MGRN1: variants seen among roughly 807,000 people sequenced by gnomAD.
MGRN1 encodes the protein mahogunin ring finger 1, also known as E3 ubiquitin-protein ligase MGRN1.
MGRN1 carries 29 observed loss-of-function variants against 69.2 expected under a neutral mutation model. The observed-to-expected ratio is 0.42, with a 90% CI of 0.31 to 0.57. The LOEUF (loss-of-function observed/expected upper bound fraction) is 0.57, where lower values mean the gene tolerates loss of function less well. Ranked by LOEUF, MGRN1 falls within the 20% of genes least tolerant of loss-of-function variation. The pLI is 0.15. For synonymous variants in MGRN1, 470 were observed against 344.2 expected (o/e 1.37, Z -4.04); for missense variants, 998 against 796.2 (o/e 1.25, Z -3.05).
rs745797002 is a variant in MGRN1 at position 4,652,665 on chromosome 16, C to T, written c.297-13C>T. 3 of 1,598,194 alleles carry T rather than the reference C, an allele frequency of 1.9e-6. No homozygotes were observed. The highest frequency in any genetic ancestry group is 2.7e-5 in the African/African-American group (2 of 74,426). On this transcript the variant is annotated splice_polypyrimidine_tract_variant and intron_variant, in intron 3 of 16. Coordinates refer to ENST00000262370, the MANE Select transcript of MGRN1 (RefSeq NM_015246.4). ...CGCTGACCCGCTGCCTTTCTCTCCA[C>T]CGCCTGGGGTAGGTACAAAGACGAT...
Position 4,686,329 on chromosome 16 carries a change from G to A in MGRN1, c.1618+2397G>A, listed in dbSNP as rs572324696. ...GTACGTGACCTCCCAGACGCGCTTCGGGGGCTCTGACGCGCGTCCTTGGAG... is the reference window on the plus strand; with the variant it reads ...GTACGTGACCTCCCAGACGCGCTTCAGGGGCTCTGACGCGCGTCCTTGGAG... On this transcript the variant is annotated intron_variant, in intron 16 of 16. Transcript: ENST00000262370. 19 of 1,541,066 alleles carry A rather than the reference G, an allele frequency of 1.2e-5. No individual in the cohort carries two copies. In the East Asian group the frequency reaches 2.7e-4, roughly 22 times the overall value.
chr16:4,673,312 G>C (rs1338317473), intron 9 of MGRN1, among the ~76,000 whole-genome samples, 186 bp from the exon 10 acceptor site: 1 of 152,122 alleles, frequency 6.6e-6, no homozygotes, highest in Non-Finnish European at 1.5e-5. Flanking sequence ...GCCAGGTGCT[G>C]AGTTTGCACT....
intron 11 of MGRN1, among the ~76,000 whole-genome samples, chr16:4,677,826 G>C (rs2079086602): frequency 6.8e-6 from 1 of 147,596 alleles, no homozygotes; most frequent in East Asian, 2.0e-4. Flanking sequence ...GGTCTCGGTG[G>C]AGCCAGGTGC....
At chr16:4,683,735 C>A in intron 15 of MGRN1, 108 bp from the exon 16 acceptor site, 1 of 924,900 alleles carries the variant, frequency 1.1e-6, no homozygotes. Flanking sequence ...CTGGGGTCCC[C>A]ACAGTGGCTA....
intron 1 of MGRN1, chr16:4,633,988 ATAG>A (rs948792214): frequency 1.1e-4 from 16 of 152,226 alleles, no homozygotes; most frequent in African/African-American, 3.6e-4. Context: ...CTTGGGTTTC[ATAG>A]TAGGATGCAT....
intron 12 of MGRN1, chr16:4,680,318 C>A (rs778756980): frequency 1.8e-6 from 1 of 542,682 alleles, no homozygotes; most frequent in African/African-American, 1.9e-5. Context: ...CGCCGCCCTC[C>A]CCTCAGCTTT....
chr16:4,677,558 C>T lies in MGRN1; in HGVS notation c.1051C>T (p.His351Tyr). ...CCCCGTCCTGGCCCAGAGCCTGGAG[C>T]ATGATGAGCACTCTGTAAGTGCCGC... ...FSPVLAQSLE[H>Y]DEHSCPFKKS... The change falls in exon 11 of 17, where the codon CAT becomes TAT. Residue 351 changes from histidine (H) to tyrosine (Y), a missense_variant. Coordinates refer to ENST00000262370, the MANE Select transcript of MGRN1 (RefSeq NM_015246.4). 1.9e-6 allele frequency: 3 copies of T among 1,599,884 alleles called. No individual in the cohort carries two copies. Among genetic ancestry groups the T allele is most frequent in the Admixed American group, 1.7e-5 (1 of 60,000 alleles).
chr16:4,671,683 T>C (rs1293488937), intron 9 of MGRN1, among the ~76,000 whole-genome samples: 1 of 152,170 alleles, frequency 6.6e-6, no homozygotes. Flanking sequence ...GCCATCCAGG[T>C]TCCCCAGGGC....
intron 16 of MGRN1, among the ~76,000 whole-genome samples, chr16:4,685,288 G>A (rs1194008305): frequency 6.6e-6 from 1 of 152,268 alleles, no homozygotes. Flanking sequence ...GGGTGGCCCT[G>A]TGGGGGAGCA....
intron 16 of MGRN1, among the ~76,000 whole-genome samples, chr16:4,685,408 C>T (rs2079288365): frequency 6.6e-6 from 1 of 152,236 alleles, no homozygotes; most frequent in Non-Finnish European, 1.5e-5. Flanking sequence ...GCCCCACCCA[C>T]AGGGGAGGGT....
rs765781584 is a variant in MGRN1 at position 4,652,831 on chromosome 16, C to T, written c.443+7C>T. The T allele has an allele frequency of 6.3e-7, 1 of 1,590,982 alleles. No homozygotes were observed. The highest frequency in any genetic ancestry group is 8.6e-7 in the Non-Finnish European group (1 of 1,166,384). The stretch of plus-strand genomic sequence containing the variant: ...TCCTGAACGGCAGGGCAGTGTGAGT[C>T]CCGCGGGCGGCTGGCACCGGCCTGG... On this transcript the variant is annotated splice_region_variant and intron_variant, in intron 4 of 16. Transcript: ENST00000262370.
In MGRN1 at chr16:4,682,853, C is replaced by G; in HGVS notation, c.1389C>G (p.His463Gln). ...TACGGTCCCCGTCTTCCCCCATCCA[C>G]GAAGAGGATGAGGAGAAGCTCTCCG... ...STLRSPSSPI[H>Q]EEDEEKLSED... Residue 463 changes from histidine (H) to glutamine (Q), a missense_variant, in exon 14 of 17, where the codon CAC becomes CAG. His to Gln is a conservative substitution (Grantham distance 24). Transcript: ENST00000262370. The G allele has an allele frequency of 6.2e-7, 1 of 1,605,236 alleles. No homozygotes were observed. The highest frequency in any genetic ancestry group is 2.2e-5 in the East Asian group (1 of 44,540).
chr16:4,651,854 C>T, intron 2 of MGRN1, 109 bp from the exon 3 acceptor site: 1 of 970,526 alleles, frequency 1.0e-6, no homozygotes, highest in African/African-American at 1.6e-5. Flanking sequence ...TCCCATGGGA[C>T]TAGATCCCAG....
chr16:4,682,782 G>A (rs373067808), intron 13 of MGRN1, 41 bp from the exon 14 acceptor site: 16 of 1,483,568 alleles, frequency 1.1e-5, no homozygotes, highest in African/African-American at 7.1e-5. Flanking sequence ...CTTCCTTGTC[G>A]TTATCCTCTC....
chr16:4,650,559 A>AT, intron 2 of MGRN1, 76 bp downstream of exon 2: 1 of 1,202,672 alleles, frequency 8.3e-7, no homozygotes. Flanking sequence ...CATCCCAGCC[A>AT]TGAGGGCAAG....
At position 4,639,520 on chromosome 16, in the gene MGRN1, G is replaced by T. The variant is rs923502162; in HGVS notation, c.89-10845G>T. Among the ~76,000 whole-genome samples the T allele has an allele frequency of 2.6e-5, 4 of 152,180 alleles. No individual in the cohort carries two copies. The East Asian group carries it at 7.7e-4, about 29-fold the overall frequency. ...ATCTGGAAGGTCAGGAGGAAGCCTG[G>T]GCTACCTAGGATGGAACAGGCAGGA... On this transcript the variant is annotated intron_variant, in intron 1 of 16. Transcript: ENST00000262370.
At chr16:4,643,828 TATCAATAACAAGAAGAAATACGAAAAAAC>T (rs2078215557) in intron 1 of MGRN1, among the ~76,000 whole-genome samples, 1 of 152,228 alleles carries the variant, frequency 6.6e-6, no homozygotes, top group Admixed American at 6.5e-5. Context: ...TTCCAGTTTT[TATCAATAACAAGAAGAAATACGAAAAAAC>T]ATTGGAAATA....
intron 1 of MGRN1, among the ~76,000 whole-genome samples, chr16:4,629,672 G>A (rs1897893949): frequency 6.6e-6 from 1 of 151,602 alleles, no homozygotes; most frequent in Admixed American, 6.6e-5. Flanking sequence ...CCGGGAGGCG[G>A]GGGTTGCAGT....
intron 11 of MGRN1, among the ~76,000 whole-genome samples, chr16:4,677,958 C>T (rs151282863): frequency 6.3e-4 from 96 of 152,142 alleles, no homozygotes; most frequent in African/African-American, 2.1e-3. Flanking sequence ...AGCAATTCCC[C>T]CATTTCAGCC....
Sources: gnomAD v4.1 joint callset for allele counts (sites outside exome capture counted in the v4.1 genomes callset) on GRCh38, gnomAD v4.1.1 for gene constraint, MANE v1.5 for transcripts, NCBI Gene and HGNC (gene_info 2026-07-23, HGNC 2026-07-21) for gene names.